Variants in TTC34 observed in about 807,000 individuals in gnomAD.
TTC34 encodes tetratricopeptide repeat protein 34.
TTC34 carries 44 observed loss-of-function variants against 40.7 expected under a neutral mutation model. The ratio of observed to expected loss-of-function variants is 1.08; its 90% CI spans 0.85 to 1.39. TTC34 has a LOEUF of 1.39. Among genes scored for constraint, TTC34 ranks in the 40% most tolerant of loss-of-function variants. The pLI, the probability that TTC34 is intolerant of heterozygous loss-of-function variation, is 0.00. For synonymous variants in TTC34, 422 were observed against 398.6 expected, an observed-to-expected ratio of 1.06 and a Z score of -0.70; for missense variants, 884 against 838.0, an observed-to-expected ratio of 1.05 and a Z score of -0.68.
chr1:2,781,897 T>A (rs752902468), intron 6 of TTC34, among the ~76,000 whole-genome samples: 1 of 152,202 alleles, frequency 6.6e-6, no homozygotes, highest in Non-Finnish European at 1.5e-5. Context: ...TTTTAACAAA[T>A]TGCTGAATTT....
intron 6 of TTC34, among the ~76,000 whole-genome samples, chr1:2,655,284 C>A (rs1639304190): frequency 1.2e-5 from 1 of 83,394 alleles, no homozygotes; most frequent in African/African-American, 4.3e-5. Flanking sequence ...CCTGCAACAG[C>A]TCTCACAACC....
chr1:2,749,428 G>A lies in TTC34; in HGVS notation c.2226+34181C>T, dbSNP rs1569686026. Among the ~76,000 whole-genome samples the A allele has an allele frequency of 1.2e-4, 17 of 139,056 alleles. No homozygotes were observed. The East Asian group carries it at 3.6e-3, about 29-fold the overall frequency. 91.2% of individuals were successfully genotyped at this position (139,056 alleles called of 152,430 possible). ...CCCCCAGGTGCGCACGTGACAGCCTGGAACAGCACCGACACCCCCAGGTGA... is the reference window on the plus strand; with the variant it reads ...CCCCCAGGTGCGCACGTGACAGCCTAGAACAGCACCGACACCCCCAGGTGA... On this transcript the variant is annotated intron_variant, in intron 6 of 8. Coordinates refer to ENST00000401095, the Ensembl canonical transcript of TTC34.
intron 7 of TTC34, 104 bp from the exon 8 acceptor site, chr1:2,644,582 G>GGGA (rs2100987875): frequency 8.3e-7 from 1 of 1,206,670 alleles, no homozygotes; most frequent in South Asian, 1.5e-5. Context: ...CTGGCTTGCG[G>GGGA]GGAGCTGATG....
chr1:2,777,999 T>G (rs545076966), intron 6 of TTC34, among the ~76,000 whole-genome samples: 1 of 152,272 alleles, frequency 6.6e-6, no homozygotes, highest in South Asian at 2.1e-4. Flanking sequence ...GTCTGTCCAG[T>G]GCAGGAAAGG....
chr1:2,687,718 C>A (rs1640429378), intron 6 of TTC34, among the ~76,000 whole-genome samples: 1 of 150,552 alleles, frequency 6.6e-6, no homozygotes, highest in African/African-American at 2.5e-5. Context: ...CCGGGAACAG[C>A]ACCCACACCC....
At chr1:2,688,318 A>C (rs1365858989) in intron 6 of TTC34, among the ~76,000 whole-genome samples, 5 of 53,002 alleles carry the variant, frequency 9.4e-5, no homozygotes, top group Non-Finnish European at 6.0e-5. Flanking sequence ...AGCCTGGAGC[A>C]GAACCCCACA....
chr1:2,687,248 C>T (rs1465267063), intron 6 of TTC34, among the ~76,000 whole-genome samples: 5 of 138,884 alleles, frequency 3.6e-5, no homozygotes, highest in East Asian at 2.0e-4. Flanking sequence ...CCCACACCCC[C>T]AGGTGCGCAT....
At chr1:2,786,162 C>A in intron 4 of TTC34, 139 bp from the exon 5 acceptor site, 1 of 724,524 alleles carries the variant, frequency 1.4e-6, no homozygotes, top group South Asian at 3.0e-5. Context: ...CCAGTCCCAC[C>A]CTTGCTGCCC....
At chr1:2,749,449 G>A (rs1641245704) in intron 6 of TTC34, among the ~76,000 whole-genome samples, 2 of 100,270 alleles carry the variant, frequency 2.0e-5, no homozygotes, top group East Asian at 3.1e-4. Context: ...GACACCCCCA[G>A]GTGAGCATCT....
At chr1:2,785,739 C>T in intron 5 of TTC34, 80 bp downstream of exon 5, 5 of 1,446,074 alleles carry the variant, frequency 3.5e-6, no homozygotes, top group Non-Finnish European at 4.6e-6. Flanking sequence ...GTGTCCCCAC[C>T]AACCAGCATG....
chr1:2,695,027 C>T (rs202181387), intron 6 of TTC34, among the ~76,000 whole-genome samples: 1 of 151,886 alleles, frequency 6.6e-6, no homozygotes, highest in Admixed American at 6.6e-5. Context: ...GGAACAGCAC[C>T]CTGCACCCCC....
At chr1:2,756,594 T>C (rs1641513233) in intron 6 of TTC34, among the ~76,000 whole-genome samples, 4 of 132,084 alleles carry the variant, frequency 3.0e-5, no homozygotes, top group African/African-American at 1.1e-4. Flanking sequence ...CACCAACAGG[T>C]GAGCATCTGA....
intron 6 of TTC34, among the ~76,000 whole-genome samples, chr1:2,686,308 G>A (rs1455004656): frequency 6.8e-6 from 1 of 147,878 alleles, no homozygotes; most frequent in East Asian, 2.1e-4. Flanking sequence ...AACGCACGGA[G>A]CAGCACCCAC....
chr1:2,676,975 G>T (rs1206685224), intron 6 of TTC34, among the ~76,000 whole-genome samples: 1 of 126,286 alleles, frequency 7.9e-6, no homozygotes, highest in Non-Finnish European at 1.7e-5. Context: ...GCACCCCCAG[G>T]TGAGCATCCG....
intron 6 of TTC34, among the ~76,000 whole-genome samples, chr1:2,749,585 C>A (rs1331645897): frequency 9.6e-6 from 1 of 104,516 alleles, no homozygotes; most frequent in Non-Finnish European, 1.8e-5. Context: ...CATCCGACAG[C>A]CTGGAGCAGC....
At chr1:2,762,142 C>A (rs1641698793) in intron 6 of TTC34, among the ~76,000 whole-genome samples, 1 of 60,396 alleles carries the variant, frequency 1.7e-5, no homozygotes, top group Non-Finnish European at 2.8e-5. Flanking sequence ...CCCAGGCGAG[C>A]ATCTGACAGC....
intron 6 of TTC34, among the ~76,000 whole-genome samples, chr1:2,748,566 T>TCCGATAGCCTGGAGCAG (rs1641220689): frequency 2.2e-5 from 1 of 46,462 alleles, no homozygotes; most frequent in Non-Finnish European, 4.1e-5. Flanking sequence ...CACACCACCA[T>TCCGATAGCCTGGAGCAG]GCGAGCATCT....
At chr1:2,639,613 TGAAG>T (rs1638858188) in exon 9 of TTC34, 2 of 152,352 alleles carry the variant, frequency 1.3e-5, no homozygotes, top group East Asian at 1.9e-4. Flanking sequence ...AGCACACGGG[TGAAG>T]ACAGGGAGGG....
chr1:2,637,167 G>A (rs879852258), exon 9 of TTC34: 7 of 152,042 alleles, frequency 4.6e-5, no homozygotes, highest in African/African-American at 9.7e-5. Context: ...TGCAAAAAAG[G>A]CTTAAACAAA....
Sources: gnomAD v4.1 joint callset for allele counts (sites outside exome capture counted in the v4.1 genomes callset) on GRCh38, gnomAD v4.1.1 for gene constraint, MANE v1.5 for transcripts, NCBI Gene and HGNC (gene_info 2026-07-23, HGNC 2026-07-21) for gene names.